GPC5: variants seen among roughly 807,000 people sequenced by gnomAD.
GPC5 encodes the protein glypican-5.
A neutral mutation model predicts 53.9 loss-of-function variants in GPC5; 47 were observed. The ratio of observed to expected loss-of-function variants is 0.87; its 90% confidence interval spans 0.69 to 1.11. The LOEUF (loss-of-function observed/expected upper bound fraction) is 1.11. GPC5 is among the 50% of genes most tolerant of loss of function. The pLI, the probability that GPC5 is intolerant of heterozygous loss-of-function variation, is 0.00. For missense variants in GPC5, 748 were observed against 713.1 expected (o/e 1.05, Z -0.56); for synonymous variants, 286 against 263.3 (o/e 1.09, Z -0.84).
At chr13:92,553,471 A>C (rs1229525900) in intron 7 of GPC5, among the ~76,000 whole-genome samples, 1 of 152,008 alleles carries the variant, frequency 6.6e-6, no homozygotes, top group Non-Finnish European at 1.5e-5. Context: ...TGACATGTAG[A>C]CATTATGATA....
At chr13:92,024,547 A>G (rs1427026206) in intron 6 of GPC5, among the ~76,000 whole-genome samples, 3 of 152,018 alleles carry the variant, frequency 2.0e-5, no homozygotes, top group Non-Finnish European at 4.4e-5. Flanking sequence ...TTCTTATCTC[A>G]CATTGTTTAA....
intron 7 of GPC5, among the ~76,000 whole-genome samples, chr13:92,759,775 A>G (rs1875082209): frequency 6.6e-6 from 1 of 152,068 alleles, no homozygotes; most frequent in African/African-American, 2.4e-5. Flanking sequence ...GAAAATGAGC[A>G]TCCTCATGCA....
intron 7 of GPC5, among the ~76,000 whole-genome samples, chr13:92,463,382 AG>A (rs1665292405): frequency 6.6e-6 from 1 of 152,194 alleles, no homozygotes; most frequent in Admixed American, 6.5e-5. Context: ...TTCTGGGGTG[AG>A]GCACTTAACC....
chr13:92,095,083 C>T (rs1332137713), intron 6 of GPC5, among the ~76,000 whole-genome samples: 5 of 151,996 alleles, frequency 3.3e-5, no homozygotes, highest in Non-Finnish European at 7.4e-5. Context: ...GAGTTGGGAA[C>T]CAGAGTAATC....
intron 7 of GPC5, among the ~76,000 whole-genome samples, chr13:92,780,352 A>G (rs1407601371): frequency 6.6e-6 from 1 of 150,542 alleles, no homozygotes; most frequent in Non-Finnish European, 1.5e-5. Context: ...ATTAAGTGTA[A>G]TTTATATTTC....
At chr13:92,186,001 G>T (rs887806469) in intron 7 of GPC5, among the ~76,000 whole-genome samples, 5 of 152,106 alleles carry the variant, frequency 3.3e-5, no homozygotes, top group African/African-American at 1.2e-4. Flanking sequence ...GCTTTGAGCA[G>T]TAATGAAATA....
chr13:91,546,115 A>G (rs963142474), intron 2 of GPC5, among the ~76,000 whole-genome samples: 1 of 152,116 alleles, frequency 6.6e-6, no homozygotes, highest in Non-Finnish European at 1.5e-5. Context: ...TTGTTCTTGT[A>G]CATCATTTAG....
At chr13:92,846,411 T>G (rs1002447731) in intron 7 of GPC5, among the ~76,000 whole-genome samples, 1 of 152,224 alleles carries the variant, frequency 6.6e-6, no homozygotes, top group Non-Finnish European at 1.5e-5. Context: ...AATACTTTAG[T>G]AAAGTATAGA....
chr13:92,272,772 CA>C (rs1342571685), intron 7 of GPC5, among the ~76,000 whole-genome samples: 1 of 152,020 alleles, frequency 6.6e-6, no homozygotes, highest in Non-Finnish European at 1.5e-5. Flanking sequence ...TATTACAGAA[CA>C]AAGTGGAATA....
intron 7 of GPC5, among the ~76,000 whole-genome samples, chr13:92,541,907 G>T (rs549174110): frequency 6.6e-6 from 1 of 151,992 alleles, no homozygotes; most frequent in South Asian, 2.1e-4. Context: ...CCAGTGGCAT[G>T]CTTATGTTAG....
chr13:91,813,309 C>T (rs1594586728), intron 5 of GPC5, among the ~76,000 whole-genome samples: 4 of 152,282 alleles, frequency 2.6e-5, no homozygotes, highest in South Asian at 2.1e-4. Context: ...GCTGAAAGCT[C>T]CCTTGCTTCT....
chr13:91,600,856 A>T (rs1270874067), intron 2 of GPC5, among the ~76,000 whole-genome samples: 1 of 152,206 alleles, frequency 6.6e-6, no homozygotes, highest in Non-Finnish European at 1.5e-5. Flanking sequence ...TCATAGGAAG[A>T]TGTATATACC....
chr13:92,065,531 G>T (rs563505766), intron 6 of GPC5, among the ~76,000 whole-genome samples: 26 of 152,170 alleles, frequency 1.7e-4, no homozygotes, highest in African/African-American at 5.3e-4. Flanking sequence ...AACCAATAGA[G>T]AATTAACTTA....
chr13:92,627,539 C>A (rs1161671695), intron 7 of GPC5, among the ~76,000 whole-genome samples: 1 of 152,200 alleles, frequency 6.6e-6, no homozygotes, highest in African/African-American at 2.4e-5. Context: ...CTAATATCTA[C>A]TGTTGCTGTA....
At chr13:92,846,673 G>A (rs1878622652) in intron 7 of GPC5, among the ~76,000 whole-genome samples, 1 of 152,136 alleles carries the variant, frequency 6.6e-6, no homozygotes, top group African/African-American at 2.4e-5. Context: ...TTTATCATGT[G>A]CATAATGTGT....
chr13:92,860,278 T>G (rs564331326), intron 7 of GPC5, among the ~76,000 whole-genome samples: 1 of 152,272 alleles, frequency 6.6e-6, no homozygotes, highest in East Asian at 1.9e-4. Context: ...TAGAAAAGGC[T>G]TTCATGAAGA....
In GPC5 at chr13:91,510,646, G is replaced by T. The variant is rs578075400; in HGVS notation, c.325+61724G>T. 8.6e-5 allele frequency among the ~76,000 whole-genome samples: 13 copies of T among 151,946 alleles called. 1 individual carries two copies. The highest frequency in any genetic ancestry group is 7.2e-4 in the Admixed American group (11 of 15,262). ...ATTTCTAAACATTTATAAAAGTCTT[G>T]CTAAACTGTTTCCCAGAAAGGTTGT... On this transcript the variant is annotated intron_variant, in intron 2 of 7. Transcript: ENST00000377067.
chr13:91,746,674 G>A (rs1594514508), intron 4 of GPC5, among the ~76,000 whole-genome samples: 1 of 152,224 alleles, frequency 6.6e-6, no homozygotes, highest in Non-Finnish European at 1.5e-5. Context: ...AGGCCTTAAG[G>A]CAAACAGCTT....
intron 6 of GPC5, among the ~76,000 whole-genome samples, chr13:92,022,773 A>G (rs2040769667): frequency 6.6e-6 from 1 of 152,026 alleles, no homozygotes; most frequent in Admixed American, 6.6e-5. Context: ...TTTAATTGTT[A>G]GCATTCCTTT....
Sources: gnomAD v4.1 joint callset for allele counts (sites outside exome capture counted in the v4.1 genomes callset) on GRCh38, gnomAD v4.1.1 for gene constraint, MANE v1.5 for transcripts, NCBI Gene and HGNC (gene_info 2026-07-23, HGNC 2026-07-21) for gene names.